ABCC5: variants seen among roughly 807,000 people sequenced by gnomAD.
ABCC5 encodes ATP binding cassette subfamily C member 5, also known as ATP-binding cassette sub-family C member 5.
ABCC5 carries 61 observed loss-of-function variants against 160.9 expected under a neutral mutation model. That is an observed-to-expected ratio of 0.38 (90% CI 0.31 to 0.47). ABCC5 has a LOEUF of 0.47. Ranked by LOEUF, ABCC5 falls within the 20% of genes least tolerant of loss-of-function variation. ABCC5 has a pLI of 0.99. For missense variants in ABCC5, 1,308 were observed against 1,813.3 expected, an observed-to-expected ratio of 0.72 and a Z score of 5.06; for synonymous variants, 666 against 700.6, an observed-to-expected ratio of 0.95 and a Z score of 0.78.
chr3:184,014,325 C>A lies in ABCC5; in HGVS notation c.68G>T (p.Arg23Ile). The A allele has an allele frequency of 6.2e-7, 1 of 1,613,988 alleles. No individual in the cohort carries two copies. The highest frequency in any genetic ancestry group is 8.5e-7 in the Non-Finnish European group (1 of 1,179,938). ...PSPGYRSVRE[R>I]TSTSGTHRDR... Reference sequence around the variant, plus strand: ...TCTGTGCGTCCCAGAAGTGCTGGTTCTCTCCCTCACACTTCTATACCCAGG... The same window carrying A: ...TCTGTGCGTCCCAGAAGTGCTGGTTATCTCCCTCACACTTCTATACCCAGG... Residue 23 changes from arginine (R) to isoleucine (I), a missense_variant, in exon 2 of 30, where the codon AGA becomes ATA. By Grantham distance (97) the Arg-to-Ile change is moderately conservative. This residue lies in a region of ABCC5 where 1,142 missense variants were observed against 1,527.1 expected (regional missense o/e 0.75). Transcript: ENST00000334444.
chr3:183,933,471 T>C (rs1023335469), intron 26 of ABCC5, among the ~76,000 whole-genome samples: 2 of 151,878 alleles, frequency 1.3e-5, no homozygotes, highest in African/African-American at 4.8e-5. Flanking sequence ...CACAGGGAGC[T>C]CTGGGAGAAG....
intron 12 of ABCC5, among the ~76,000 whole-genome samples, chr3:183,966,594 C>T (rs1016950073): frequency 6.6e-6 from 1 of 152,120 alleles, no homozygotes; most frequent in Non-Finnish European, 1.5e-5. Context: ...TTCTTTCCTT[C>T]TCCCCCTCCC....
intron 10 of ABCC5, among the ~76,000 whole-genome samples, chr3:183,976,395 T>C (rs530560605): frequency 7.6e-4 from 116 of 152,040 alleles, no homozygotes; most frequent in South Asian, 1.5e-3. Flanking sequence ...GCTAGGACTG[T>C]GGGCGCACAC....
chr3:183,989,257 T>G lies in ABCC5; in HGVS notation c.256A>C (p.Ser86Arg), dbSNP rs764705818. Residue 86 changes from serine to arginine, a missense_variant, in exon 3 of 30, where the codon AGT becomes CGT. Ser to Arg is a moderately radical substitution (Grantham distance 110). Coordinates refer to ENST00000334444, the MANE Select transcript of ABCC5 (RefSeq NM_005688.4). ...HPKGKYHHGL[S>R]ALKPIRTTSK... ...GTAGTCCGGATGGGCTTCAGAGCAC[T>G]CAAGCCATGATGGTACTTTCCCTTG... 15 of 1,568,390 alleles carry G rather than the reference T, an allele frequency of 9.6e-6. No individual in the cohort carries two copies. The East Asian group carries it at 3.6e-4, about 37-fold the overall frequency.
chr3:183,982,375 T>C lies in ABCC5; in HGVS notation c.999+76A>G. On this transcript the variant is annotated intron_variant, in intron 7 of 29. Transcript: ENST00000334444. This position sits in a 1 kb window ranked among gnomAD's most constrained non-coding sequence, Gnocchi z 5.2. ...AATCAGAGCTGTGAGACCTCAGCAA[T>C]GCCTACTATAACCCAATGGAAGTAA... The C allele has an allele frequency of 1.3e-6, 2 of 1,489,684 alleles. No homozygotes were observed. Among genetic ancestry groups the C allele is most frequent in the Non-Finnish European group, 1.8e-6 (2 of 1,102,720 alleles). 92.3% of individuals were successfully genotyped at this position (1,489,684 alleles called of 1,614,324 possible).
chr3:183,993,555 T>A (rs1419178145), intron 2 of ABCC5, among the ~76,000 whole-genome samples: 1 of 151,780 alleles, frequency 6.6e-6, no homozygotes, highest in Non-Finnish European at 1.5e-5. Context: ...CATTTTTAAT[T>A]GAGCCTTTTA....
chr3:183,983,241 C>G (rs547722171), intron 5 of ABCC5, among the ~76,000 whole-genome samples: 3 of 152,214 alleles, frequency 2.0e-5, no homozygotes, highest in Non-Finnish European at 4.4e-5. Context: ...TCATCAAAAC[C>G]ATTACTCTTT....
At chr3:183,984,137 T>C (rs1718987604) in intron 5 of ABCC5, 3 of 985,328 alleles carry the variant, frequency 3.0e-6, no homozygotes, top group Non-Finnish European at 1.2e-6. Context: ...AGAGGTACTC[T>C]GCTCAAAATG....
At chr3:183,924,354 G>T (rs1344549134) in intron 29 of ABCC5, among the ~76,000 whole-genome samples, 1 of 152,056 alleles carries the variant, frequency 6.6e-6, no homozygotes, top group African/African-American at 2.4e-5. Context: ...CTGAGACTTT[G>T]TCTCCTCATG....
intron 17 of ABCC5, among the ~76,000 whole-genome samples, chr3:183,959,347 G>A (rs1289698185): frequency 2.0e-5 from 3 of 152,136 alleles, no homozygotes. Context: ...TGAGGACACA[G>A]ATATTCTTAG....
chr3:183,969,860 C>A (rs1386589174), intron 11 of ABCC5, among the ~76,000 whole-genome samples: 5 of 152,126 alleles, frequency 3.3e-5, no homozygotes, highest in Admixed American at 3.3e-4. Flanking sequence ...TCTGGATTGG[C>A]TTACCATGCC....
chr3:184,016,691 C>T (rs1020886507), intron 1 of ABCC5, among the ~76,000 whole-genome samples: 1 of 152,138 alleles, frequency 6.6e-6, no homozygotes, highest in African/African-American at 2.4e-5. Flanking sequence ...AAAAACAAAC[C>T]TGTTGTCCAG....
At chr3:183,952,142 C>T in intron 18 of ABCC5, 139 bp from the exon 19 acceptor site, 3 of 586,482 alleles carry the variant, frequency 5.1e-6, no homozygotes, top group Non-Finnish European at 7.8e-6. Flanking sequence ...CTTTGTCCAC[C>T]TCTTTTTTTT....
chr3:184,013,500 C>T (rs1426079063), intron 2 of ABCC5, among the ~76,000 whole-genome samples: 1 of 152,082 alleles, frequency 6.6e-6, no homozygotes, highest in South Asian at 2.1e-4. Context: ...GTGACCCACC[C>T]ACCTCAACCT....
At chr3:184,001,863 C>T (rs1186494090) in intron 2 of ABCC5, among the ~76,000 whole-genome samples, 1 of 152,176 alleles carries the variant, frequency 6.6e-6, no homozygotes, top group Non-Finnish European at 1.5e-5. Context: ...GCACAGCACA[C>T]TGAAAGGCTG....
chr3:183,949,734 AG>A lies in ABCC5; in HGVS notation c.3227+18del. The stretch of plus-strand genomic sequence containing the variant: ...ATGCTGACTCCCCTTTGAGGCCTCT[AG>A]CCCCCATCAGGACAAACCTGTGCAG... On this transcript the variant is annotated intron_variant, in intron 22 of 29. Coordinates refer to ENST00000334444, the MANE Select transcript of ABCC5 (RefSeq NM_005688.4). The surrounding 1 kb of genome is among the most constrained non-coding windows in gnomAD (Gnocchi z 4.2). The A allele has an allele frequency of 6.2e-7, 1 of 1,613,618 alleles. No individual in the cohort carries two copies. The highest frequency in any genetic ancestry group is 8.5e-7 in the Non-Finnish European group (1 of 1,179,892).
intron 2 of ABCC5, among the ~76,000 whole-genome samples, chr3:183,992,273 G>A (rs1006056764): frequency 1.3e-5 from 2 of 152,210 alleles, no homozygotes; most frequent in Non-Finnish European, 2.9e-5. Flanking sequence ...CTACTCAGGA[G>A]GCTGAGGTGG....
At chr3:183,933,133 A>G (rs1713336217) in intron 26 of ABCC5, among the ~76,000 whole-genome samples, 1 of 145,204 alleles carries the variant, frequency 6.9e-6, no homozygotes, top group Admixed American at 7.4e-5. Context: ...ATGTCACTGC[A>G]CTCCAACCCA....
At chr3:183,960,828 C>T (rs1174906556) in intron 16 of ABCC5, among the ~76,000 whole-genome samples, 1 of 152,024 alleles carries the variant, frequency 6.6e-6, no homozygotes, top group Non-Finnish European at 1.5e-5. Flanking sequence ...CTCTGTCACC[C>T]AGGTTGGAGT....
Sources: gnomAD v4.1 joint callset for allele counts (sites outside exome capture counted in the v4.1 genomes callset) on GRCh38, gnomAD v4.1.1 for gene constraint, gnomAD v4.1.1 regional missense constraint, Gnocchi (gnomAD v3.1) non-coding constraint, MANE v1.5 for transcripts, NCBI Gene and HGNC (gene_info 2026-07-23, HGNC 2026-07-21) for gene names.